The following FARP2 variants were observed in gnomAD, a reference collection of about 807,000 sequenced individuals.
The protein encoded by FARP2 is FERM, ARH/RhoGEF and pleckstrin domain protein 2, also known as FERM, ARHGEF and pleckstrin domain-containing protein 2.
Under a neutral mutation model 130.5 loss-of-function variants are expected in FARP2, and 111 were observed. That is an observed-to-expected ratio of 0.85 (90% CI 0.73 to 1.00). FARP2 has a LOEUF of 1.00. Among genes scored for constraint, FARP2 ranks in the 50% least tolerant of loss-of-function variants. The probability of loss-of-function intolerance (pLI) is 0.00; values close to 1 mark genes in which losing one functional copy is unlikely to be tolerated. For missense variants in FARP2, 1,385 were observed against 1,346.3 expected, an observed-to-expected ratio of 1.03 and a Z score of -0.45; for synonymous variants, 504 against 516.9, an observed-to-expected ratio of 0.98 and a Z score of 0.34.
In FARP2 at chr2:241,468,250, G is replaced by A; in HGVS notation, c.2004G>A (p.Lys668=). 6.2e-7 allele frequency: 1 copy of A among 1,614,034 alleles called. No individual in the cohort carries two copies. Among genetic ancestry groups the A allele is most frequent in the Non-Finnish European group, 8.5e-7 (1 of 1,179,964 alleles). ...EAVYKEFELQ[K]VCYLPLNTFL... ...TGTACAAGGAGTTTGAGCTGCAGAA[G>A]GTCTGCTACTTGCCTCTCAACACGT... The change falls in exon 18 of 27, where the codon AAG becomes AAA. Residue 668 remains lysine (K), a synonymous_variant. Transcript: ENST00000264042.
At chr2:241,476,533 CA>C (rs1209222357) in intron 19 of FARP2, among the ~76,000 whole-genome samples, 2 of 151,902 alleles carry the variant, frequency 1.3e-5, no homozygotes, top group Admixed American at 1.3e-4. Context: ...ACTAAAAATA[CA>C]AAAAATTAGC....
chr2:241,452,563 A>C (rs2063687888), intron 13 of FARP2, among the ~76,000 whole-genome samples: 1 of 152,140 alleles, frequency 6.6e-6, no homozygotes, highest in Admixed American at 6.6e-5. Context: ...AGCTACACAG[A>C]AGGCTAAGGC....
chr2:241,361,740 C>T (rs1307420105), intron 1 of FARP2, among the ~76,000 whole-genome samples: 1 of 151,986 alleles, frequency 6.6e-6, no homozygotes, highest in African/African-American at 2.4e-5. Flanking sequence ...GCCAGATAAC[C>T]CAGTAGGGGA....
At chr2:241,491,800 C>A in intron 24 of FARP2, 121 bp downstream of exon 24, 2 of 904,964 alleles carry the variant, frequency 2.2e-6, no homozygotes, top group Non-Finnish European at 3.2e-6. Flanking sequence ...CAGAGGACTG[C>A]CTCTTACTCT....
chr2:241,452,920 G>T (rs539118200), intron 13 of FARP2, among the ~76,000 whole-genome samples: 28 of 151,506 alleles, frequency 1.8e-4, no homozygotes, highest in Non-Finnish European at 4.4e-5. Flanking sequence ...CAGCCTGGGC[G>T]ACAGAGTGAG....
chr2:241,374,110 C>T (rs1356253563), intron 2 of FARP2, among the ~76,000 whole-genome samples: 1 of 151,516 alleles, frequency 6.6e-6, no homozygotes, highest in African/African-American at 2.4e-5. Flanking sequence ...CTCATGGGCT[C>T]AAGCGATCCG....
Position 241,459,683 on chromosome 2 carries a change from G to A in FARP2, c.1587+2761G>A, listed in dbSNP as rs962808088. Among the ~76,000 whole-genome samples the A allele has an allele frequency of 2.0e-5, 3 of 152,212 alleles. No homozygotes were observed. The highest frequency in any genetic ancestry group is 3.9e-4 in the East Asian group (2 of 5,190). ...TGCTCCTCTGGGCCTATCCCTGGCC[G>A]CCGTCTCATCCCTGGCCTGCAGCCC... On this transcript the variant is annotated intron_variant, in intron 14 of 26. Transcript: ENST00000264042. The surrounding 1 kb of genome is among the most constrained non-coding windows in gnomAD (Gnocchi z 5.3).
intron 14 of FARP2, among the ~76,000 whole-genome samples, chr2:241,457,486 GA>G (rs2063886887): frequency 7.7e-6 from 1 of 129,688 alleles, no homozygotes; most frequent in Non-Finnish European, 1.7e-5. Flanking sequence ...GGGTTCCGGA[GA>G]GGCTCTTGGG....
chr2:241,379,876 T>C (rs954108761), intron 2 of FARP2, among the ~76,000 whole-genome samples: 1 of 152,238 alleles, frequency 6.6e-6, no homozygotes, highest in Non-Finnish European at 1.5e-5. Context: ...TGTTATTTTG[T>C]CTTGGAAAGT....
intron 19 of FARP2, among the ~76,000 whole-genome samples, chr2:241,476,726 T>A (rs1295053406): frequency 6.6e-6 from 1 of 152,112 alleles, no homozygotes; most frequent in East Asian, 1.9e-4. Flanking sequence ...AATAGGTACA[T>A]ATATACATAC....
chr2:241,390,296 A>G (rs1351945667), intron 2 of FARP2, among the ~76,000 whole-genome samples: 1 of 152,214 alleles, frequency 6.6e-6, no homozygotes, highest in Non-Finnish European at 1.5e-5. Context: ...GAACGAGTCC[A>G]GCAAATGACT....
chr2:241,484,608 T>C (rs1269611032), intron 21 of FARP2, among the ~76,000 whole-genome samples: 1 of 152,236 alleles, frequency 6.6e-6, no homozygotes, highest in Non-Finnish European at 1.5e-5. Context: ...TGTCAGCACC[T>C]GGCAGGACAA....
At position 241,373,289 on chromosome 2, in the gene FARP2, A is replaced by T. The variant is rs1448526567; in HGVS notation, c.182A>T (p.Glu61Val). 7.1e-7 allele frequency: 1 copy of T among 1,417,644 alleles called. No homozygotes were observed. Among genetic ancestry groups the T allele is most frequent in the African/African-American group, 1.5e-5 (1 of 68,410 alleles). 87.8% of individuals were successfully genotyped at this position (1,417,644 alleles called of 1,614,324 possible). A position where few individuals can be genotyped will look rare whatever the true frequency, so the allele number is the denominator to read the frequency against. The change falls in exon 2 of 27, where the codon GAG becomes GTG. Residue 61 changes from glutamate (E) to valine (V), a missense_variant and splice_region_variant. Physicochemically the swap from Glu to Val is moderately radical, Grantham distance 121. Transcript: ENST00000264042. ...AACACCATGGAAATATTTGACATTG[A>T]GGTAAGAAGCATGATTTTTGGAGGC... ...LDNTMEIFDI[E>V]PKCDGQVLLT...
chr2:241,421,684 C>T (rs1436105257), intron 8 of FARP2, among the ~76,000 whole-genome samples: 5 of 151,740 alleles, frequency 3.3e-5, no homozygotes, highest in Non-Finnish European at 7.4e-5. Context: ...CCTACAGGTG[C>T]ATTTGGGCCA....
At chr2:241,489,048 A>C (rs190088222) in intron 21 of FARP2, 19 of 152,394 alleles carry the variant, frequency 1.2e-4, no homozygotes, top group Admixed American at 9.8e-4. Context: ...ATTTCAGTTG[A>C]AATTGCATTA....
At chr2:241,366,993 G>A (rs2061332564) in intron 1 of FARP2, among the ~76,000 whole-genome samples, 1 of 152,024 alleles carries the variant, frequency 6.6e-6, no homozygotes, top group African/African-American at 2.4e-5. Flanking sequence ...TCACAGCTTG[G>A]TAGATACCTT....
At chr2:241,357,352 A>G (rs2061092573) in intron 1 of FARP2, among the ~76,000 whole-genome samples, 1 of 152,222 alleles carries the variant, frequency 6.6e-6, no homozygotes, top group Non-Finnish European at 1.5e-5. Flanking sequence ...CAGGCGACAC[A>G]GATTTTCTCA....
Position 241,404,720 on chromosome 2 carries a change from C to T in FARP2, c.289-79C>T, listed in dbSNP as rs867408056. The T allele has an allele frequency of 4.6e-6, 5 of 1,087,790 alleles. No individual in the cohort carries two copies. The Middle Eastern group carries it at 1.1e-3, about 231-fold the overall frequency. The allele number at this position is 1,087,790 out of a possible 1,614,324, so 67.4% of individuals were successfully genotyped here. ...ACATAAAAATTTATCTTATTATAAC[C>T]ATTTTTGTTTTTATAGCATACTTGT... On this transcript the variant is annotated intron_variant, in intron 3 of 26. Coordinates refer to ENST00000264042, the MANE Select transcript of FARP2 (RefSeq NM_014808.4).
chr2:241,374,046 T>C (rs1028238993), intron 2 of FARP2, among the ~76,000 whole-genome samples: 1 of 151,940 alleles, frequency 6.6e-6, no homozygotes, highest in Non-Finnish European at 1.5e-5. Flanking sequence ...GGTGTTGTTC[T>C]GTCAACCCAG....
Sources: gnomAD v4.1 joint callset for allele counts (sites outside exome capture counted in the v4.1 genomes callset) on GRCh38, gnomAD v4.1.1 for gene constraint, Gnocchi (gnomAD v3.1) non-coding constraint, MANE v1.5 for transcripts, NCBI Gene and HGNC (gene_info 2026-07-23, HGNC 2026-07-21) for gene names.